The following SH3BP5 variants were observed in gnomAD, a reference collection of about 807,000 sequenced individuals.
SH3BP5 encodes the protein SH3 domain-binding protein 5.
A neutral mutation model predicts 43.3 loss-of-function variants in SH3BP5; 22 were observed. The ratio of observed to expected loss-of-function variants is 0.51; its 90% CI spans 0.36 to 0.73. SH3BP5 has a LOEUF of 0.73. Ranked by LOEUF, SH3BP5 falls within the 30% of genes least tolerant of loss-of-function variation. The pLI, the probability that SH3BP5 is intolerant of heterozygous loss-of-function variation, is 0.00. For missense variants in SH3BP5, 529 were observed against 586.9 expected (o/e 0.90, Z 1.02); for synonymous variants, 255 against 225.8 (o/e 1.13, Z -1.16).
At chr3:15,259,594 A>G in intron 6 of SH3BP5, 167 bp downstream of exon 6, 1 of 759,912 alleles carries the variant, frequency 1.3e-6, no homozygotes, top group African/African-American at 1.7e-5. Flanking sequence ...TTCAGAGACC[A>G]CTGAAGACCC....
chr3:15,309,318 GT>G (rs1475586479), intron 2 of SH3BP5, among the ~76,000 whole-genome samples: 1 of 152,152 alleles, frequency 6.6e-6, no homozygotes, highest in Non-Finnish European at 1.5e-5. Flanking sequence ...GTTTTTGGGG[GT>G]TTTTTGGGTT....
Position 15,262,233 on chromosome 3 carries a change from T to G in SH3BP5, c.552A>C (p.Ala184=), listed in dbSNP as rs1413358884. Residue 184 remains alanine, a synonymous_variant, in exon 5 of 9, where the codon GCA becomes GCC. Coordinates refer to ENST00000383791, the MANE Select transcript of SH3BP5 (RefSeq NM_004844.5). ...GGCCCATGGCGGCATTGTACCTGGC[T>G]GCCGTCTCCTTATGCACCAGCTCGC... ...TRSELVHKET[A]ARYNAAMGRM... 1 of 1,614,214 alleles carries G rather than the reference T, an allele frequency of 6.2e-7. No homozygotes were observed. Among genetic ancestry groups the G allele is most frequent in the South Asian group, 1.1e-5 (1 of 91,082 alleles).
intron 4 of SH3BP5, among the ~76,000 whole-genome samples, chr3:15,263,047 G>A (rs886756687): frequency 6.6e-6 from 1 of 152,190 alleles, no homozygotes. Flanking sequence ...CTTCCCAACA[G>A]TGGTTTTCTT....
At chr3:15,268,899 G>A (rs1696718176) in intron 4 of SH3BP5, among the ~76,000 whole-genome samples, 1 of 152,082 alleles carries the variant, frequency 6.6e-6, no homozygotes, top group Non-Finnish European at 1.5e-5. Flanking sequence ...TGGAAAAGAT[G>A]GTCATCTGTG....
intron 3 of SH3BP5, chr3:15,273,470 C>T (rs1696874429): frequency 3.3e-6 from 3 of 908,374 alleles, no homozygotes; most frequent in Admixed American, 6.2e-5. Context: ...TGTCAAATTC[C>T]GGACAAGCGT....
intron 8 of SH3BP5, 162 bp from the exon 9 acceptor site, chr3:15,256,465 G>A (rs762729633): frequency 3.9e-5 from 28 of 717,582 alleles, no homozygotes; most frequent in East Asian, 1.7e-4. Context: ...GTTACCTACC[G>A]TGCCTATCAG....
chr3:15,299,006 T>C (rs1274943351), intron 3 of SH3BP5, among the ~76,000 whole-genome samples: 1 of 152,198 alleles, frequency 6.6e-6, no homozygotes, highest in Non-Finnish European at 1.5e-5. Context: ...GTACATTTTG[T>C]GTTGTATGTA....
exon 1 of SH3BP5, chr3:15,341,363 T>A (rs2103079): frequency 2.0e-5 from 3 of 152,220 alleles, no homozygotes; most frequent in Non-Finnish European, 4.4e-5. Context: ...ATAGCAAGGC[T>A]TTCTCCAACT....
chr3:15,314,030 C>T (rs771234186), intron 2 of SH3BP5, among the ~76,000 whole-genome samples: 5 of 151,844 alleles, frequency 3.3e-5, no homozygotes, highest in Admixed American at 6.6e-5. Context: ...TGAGCCTAGG[C>T]GGTCAAGGCT....
chr3:15,262,063 C>T, intron 5 of SH3BP5, 96 bp downstream of exon 5: 1 of 1,460,684 alleles, frequency 6.8e-7, no homozygotes, highest in Middle Eastern at 2.0e-4. Context: ...CAAAGGACTA[C>T]TCAGGGTGGT....
intron 2 of SH3BP5, among the ~76,000 whole-genome samples, chr3:15,309,394 C>CA (rs1410358049): frequency 6.6e-6 from 1 of 152,090 alleles, no homozygotes; most frequent in Non-Finnish European, 1.5e-5. Context: ...TCTTAAGAGA[C>CA]AGAGTCTTGC....
chr3:15,272,857 A>G (rs73025372), intron 3 of SH3BP5, among the ~76,000 whole-genome samples: 9,729 of 152,242 alleles, frequency 0.064, 410 homozygotes, highest in East Asian at 0.2. Context: ...CCCTGGGACC[A>G]GTCGCCCACT....
At position 15,304,922 on chromosome 3, in the gene SH3BP5, G is replaced by A. The variant is rs371670240; in HGVS notation, c.202-691C>T. Among the ~76,000 whole-genome samples the A allele has an allele frequency of 3.3e-5, 5 of 151,558 alleles. No individual in the cohort carries two copies. The South Asian group carries it at 6.3e-4, about 19-fold the overall frequency. On this transcript the variant is annotated intron_variant, in intron 2 of 8. Coordinates refer to ENST00000383791, the MANE Select transcript of SH3BP5 (RefSeq NM_004844.5). ...TGCACTGTGGGGGAGATATCGGTAG[G>A]ATGGACCCTTTGGAAATTAAGCCCG...
rs1559420468 is a variant in SH3BP5, at chr3:15,256,162, AT to A, written c.1291del (p.Met431Ter). ...TGAGCACTGTAGGGAGAGCTGCTTC[AT>A]CCGGTTCTCCAAGGCCTGGCCCTCA... ...SPEGQALENRMKQLSLQCSKG... is the reference protein window; with the variant it reads ...SPEGQALENRXKQLSLQCSKG... On this transcript the variant is annotated frameshift_variant, in exon 9 of 9. Coordinates refer to ENST00000383791, the MANE Select transcript of SH3BP5 (RefSeq NM_004844.5). LOFTEE classifies it high-confidence loss of function. The A allele has an allele frequency of 1.9e-6, 3 of 1,614,186 alleles. No homozygotes were observed. Among genetic ancestry groups the A allele is most frequent in the Non-Finnish European group, 1.7e-6 (2 of 1,180,022 alleles).
intron 3 of SH3BP5, among the ~76,000 whole-genome samples, chr3:15,281,217 G>C (rs2125080862): frequency 6.6e-6 from 1 of 152,130 alleles, no homozygotes; most frequent in Non-Finnish European, 1.5e-5. Flanking sequence ...GTAGAAACAG[G>C]GTTTCACCAT....
intron 2 of SH3BP5, among the ~76,000 whole-genome samples, chr3:15,320,026 TTCCA>T (rs1698281512): frequency 6.6e-6 from 1 of 152,182 alleles, no homozygotes. Context: ...CCCTTTCTTC[TTCCA>T]ATAAAGCCAA....
At chr3:15,325,293 C>T (rs1201264373) in intron 2 of SH3BP5, among the ~76,000 whole-genome samples, 1 of 152,240 alleles carries the variant, frequency 6.6e-6, no homozygotes, top group Non-Finnish European at 1.5e-5. Context: ...CCTAGCAGGG[C>T]TGTCGCACAC....
At position 15,256,134 on chromosome 3, in the gene SH3BP5, C is replaced by G; in HGVS notation, c.1320G>C (p.Lys440Asn). ...RMKQLSLQCS[K>N]GRDGIIADIK... ...TGTCAGCAATAATTCCATCTCTTCC[C>G]TTTGAGCACTGTAGGGAGAGCTGCT... The change falls in exon 9 of 9, where the codon AAG (lysine) becomes AAC (asparagine). Residue 440 changes from lysine (K) to asparagine (N), a missense_variant. Lys to Asn is a moderately conservative substitution (Grantham distance 94, BLOSUM62 0). This residue lies in a region of SH3BP5 where 369 missense variants were observed against 384.3 expected (regional missense o/e 0.96). Transcript: ENST00000383791. The G allele has an allele frequency of 6.2e-7, 1 of 1,614,238 alleles. No individual in the cohort carries two copies.
At chr3:15,302,871 C>T (rs565780158) in intron 3 of SH3BP5, among the ~76,000 whole-genome samples, 3 of 151,666 alleles carry the variant, frequency 2.0e-5, no homozygotes, top group East Asian at 1.9e-4. Context: ...TGCAGTGGCA[C>T]GATCTCGGCT....
Sources: gnomAD v4.1 joint callset for allele counts (sites outside exome capture counted in the v4.1 genomes callset) on GRCh38, gnomAD v4.1.1 for gene constraint, gnomAD v4.1.1 regional missense constraint, MANE v1.5 for transcripts, NCBI Gene and HGNC (gene_info 2026-07-23, HGNC 2026-07-21) for gene names.